SGCZ: variants seen among roughly 807,000 people sequenced by gnomAD.
SGCZ encodes the protein zeta-sarcoglycan.
SGCZ carries 40 observed loss-of-function variants against 41.3 expected under a neutral mutation model. The ratio of observed to expected loss-of-function variants is 0.97; its 90% CI spans 0.75 to 1.26. The LOEUF is 1.26. SGCZ is among the 50% of genes most tolerant of loss of function. The pLI is 0.00. For missense variants in SGCZ, 552 were observed against 369.8 expected (o/e 1.49, Z -4.04); for synonymous variants, 206 against 137.5 (o/e 1.50, Z -3.49).
At chr8:14,144,751 G>A (rs542581932) in intron 5 of SGCZ, among the ~76,000 whole-genome samples, 1 of 152,104 alleles carries the variant, frequency 6.6e-6, no homozygotes, top group East Asian at 1.9e-4. Flanking sequence ...GGAGCCTATT[G>A]CCCTGAAGCA....
At chr8:14,654,460 C>T (rs547915342) in intron 1 of SGCZ, among the ~76,000 whole-genome samples, 39 of 152,216 alleles carry the variant, frequency 2.6e-4, no homozygotes, top group African/African-American at 9.2e-4. Context: ...GAGAATTAAG[C>T]ATGTAAAAAT....
intron 2 of SGCZ, among the ~76,000 whole-genome samples, chr8:14,406,774 C>T (rs796407818): frequency 4.6e-5 from 7 of 152,192 alleles, no homozygotes; most frequent in African/African-American, 9.6e-5. Flanking sequence ...TTTTTGCATA[C>T]GCCACCCTTT....
At chr8:14,528,921 A>G (rs1803041116) in intron 2 of SGCZ, among the ~76,000 whole-genome samples, 1 of 152,002 alleles carries the variant, frequency 6.6e-6, no homozygotes, top group African/African-American at 2.4e-5. Flanking sequence ...AAGGGATCTC[A>G]GACATCATCC....
intron 4 of SGCZ, among the ~76,000 whole-genome samples, chr8:14,217,934 T>A (rs1806058068): frequency 6.6e-6 from 1 of 151,990 alleles, no homozygotes; most frequent in Non-Finnish European, 1.5e-5. Context: ...CCCGGCCAAC[T>A]AAAGATTTTT....
At chr8:15,218,257 G>C (rs564983869) in intron 1 of SGCZ, among the ~76,000 whole-genome samples, 147 of 152,062 alleles carry the variant, frequency 9.7e-4, no homozygotes, top group Non-Finnish European at 1.8e-3. Context: ...CAAAGAGATG[G>C]AAGAGTTATT....
At chr8:14,136,289 C>T (rs765493) in intron 5 of SGCZ, among the ~76,000 whole-genome samples, 1 of 151,914 alleles carries the variant, frequency 6.6e-6, no homozygotes, top group Non-Finnish European at 1.5e-5. Context: ...GTTAATCTCA[C>T]TGGGACTGCG....
intron 1 of SGCZ, among the ~76,000 whole-genome samples, chr8:15,105,560 G>C (rs1490034553): frequency 1.3e-5 from 2 of 152,058 alleles, no homozygotes; most frequent in Non-Finnish European, 1.5e-5. Context: ...CTTGTCAGAA[G>C]ACCATCATGA....
In SGCZ at chr8:14,428,171, C is replaced by G. The variant is rs1007048450; in HGVS notation, c.235-103967G>C. ...ATATACACACACACACACATACACACATGCATATATATTTATATGCACATA... is the reference window on the plus strand; with the variant it reads ...ATATACACACACACACACATACACAGATGCATATATATTTATATGCACATA... On this transcript the variant is annotated intron_variant, in intron 2 of 7. Coordinates refer to ENST00000382080, the MANE Select transcript of SGCZ (RefSeq NM_139167.4). Among the ~76,000 whole-genome samples, 4 of 151,042 alleles carry G rather than the reference C, an allele frequency of 2.6e-5. No homozygotes were observed. In the East Asian group the frequency reaches 7.8e-4, roughly 30 times the overall value.
chr8:14,280,154 T>A (rs1306757170), intron 3 of SGCZ, among the ~76,000 whole-genome samples: 1 of 152,056 alleles, frequency 6.6e-6, no homozygotes, highest in Non-Finnish European at 1.5e-5. Flanking sequence ...TACAGAATCT[T>A]CCATCACTGT....
At chr8:14,962,262 A>G (rs542185828) in intron 1 of SGCZ, among the ~76,000 whole-genome samples, 1 of 152,204 alleles carries the variant, frequency 6.6e-6, no homozygotes, top group African/African-American at 2.4e-5. Context: ...CAGTTTATAT[A>G]TTTTTATTCC....
At chr8:14,573,911 C>G (rs775506887) in intron 1 of SGCZ, among the ~76,000 whole-genome samples, 1 of 151,932 alleles carries the variant, frequency 6.6e-6, no homozygotes, top group Non-Finnish European at 1.5e-5. Context: ...TTCCTTTAAG[C>G]CATAGAAGGG....
intron 1 of SGCZ, among the ~76,000 whole-genome samples, chr8:15,198,942 A>G (rs1020538255): frequency 6.6e-6 from 1 of 152,220 alleles, no homozygotes; most frequent in Non-Finnish European, 1.5e-5. Context: ...CTCCACAAAG[A>G]GCACTTTGAT....
chr8:14,587,869 T>C (rs1450333259), intron 1 of SGCZ, among the ~76,000 whole-genome samples: 1 of 152,138 alleles, frequency 6.6e-6, no homozygotes, highest in African/African-American at 2.4e-5. Context: ...CCAAATGCAT[T>C]GTATTATAAA....
chr8:14,885,592 G>C (rs1183590416), intron 1 of SGCZ, among the ~76,000 whole-genome samples: 1 of 152,008 alleles, frequency 6.6e-6, no homozygotes, highest in African/African-American at 2.4e-5. Flanking sequence ...ACTGAGGGAA[G>C]GTGTCCTTGC....
At chr8:14,992,674 C>T (rs1197434506) in intron 1 of SGCZ, among the ~76,000 whole-genome samples, 24 of 142,132 alleles carry the variant, frequency 1.7e-4, no homozygotes, top group African/African-American at 4.3e-4. Context: ...ACTCCCAAAA[C>T]GAGTGTTACC....
At chr8:15,073,371 G>C (rs1337354779) in intron 1 of SGCZ, among the ~76,000 whole-genome samples, 1 of 152,102 alleles carries the variant, frequency 6.6e-6, no homozygotes, top group Non-Finnish European at 1.5e-5. Context: ...GAGGATGGGG[G>C]AGAGAGAGAA....
intron 2 of SGCZ, among the ~76,000 whole-genome samples, chr8:14,484,520 G>GT (rs1368333034): frequency 9.9e-5 from 15 of 152,032 alleles, no homozygotes; most frequent in African/African-American, 3.6e-4. Context: ...CAGTTTCCCG[G>GT]TTTTTTTACA....
chr8:14,136,073 C>T (rs1803187730), intron 5 of SGCZ, among the ~76,000 whole-genome samples: 1 of 152,048 alleles, frequency 6.6e-6, no homozygotes. Flanking sequence ...ACAGAGAAAT[C>T]CTCAACAAAC....
At chr8:14,443,224 G>A (rs1284155173) in intron 2 of SGCZ, among the ~76,000 whole-genome samples, 1 of 152,136 alleles carries the variant, frequency 6.6e-6, no homozygotes, top group Non-Finnish European at 1.5e-5. Flanking sequence ...TTGTGAAAAT[G>A]GCCATACTGC....
Sources: gnomAD v4.1 joint callset for allele counts (sites outside exome capture counted in the v4.1 genomes callset) on GRCh38, gnomAD v4.1.1 for gene constraint, MANE v1.5 for transcripts, NCBI Gene and HGNC (gene_info 2026-07-23, HGNC 2026-07-21) for gene names.